Variants in PTPRD observed in about 807,000 individuals in gnomAD.
PTPRD encodes protein tyrosine phosphatase receptor type D, also known as receptor-type tyrosine-protein phosphatase delta.
In PTPRD, 34 loss-of-function variants were observed where a neutral mutation model predicts 214.5. The ratio of observed to expected loss-of-function variants is 0.16; its 90% CI spans 0.12 to 0.21. The LOEUF is 0.21. Ranked by LOEUF, PTPRD falls within the 10% of genes least tolerant of loss-of-function variation. The probability of loss-of-function intolerance (pLI) is 1.00; values close to 1 mark genes in which losing one functional copy is unlikely to be tolerated. For missense variants in PTPRD, 2,545 were observed against 2,398.7 expected (o/e 1.06, Z -1.27); for synonymous variants, 1,128 against 845.7 (o/e 1.33, Z -5.79).
chr9:9,074,022 T>C (rs192420800), intron 10 of PTPRD, among the ~76,000 whole-genome samples: 100 of 152,242 alleles, frequency 6.6e-4, no homozygotes, highest in African/African-American at 2.3e-3. Context: ...GTGGGTAGCA[T>C]AGTGCCTGAC....
chr9:9,982,340 T>C (rs2095568899), intron 4 of PTPRD, among the ~76,000 whole-genome samples: 1 of 152,186 alleles, frequency 6.6e-6, no homozygotes, highest in South Asian at 2.1e-4. Context: ...TAAGCTAAAA[T>C]AGCATTTTTA....
intron 4 of PTPRD, among the ~76,000 whole-genome samples, chr9:10,003,831 T>G (rs935119958): frequency 6.6e-6 from 1 of 151,808 alleles, no homozygotes; most frequent in Non-Finnish European, 1.5e-5. Flanking sequence ...AAATTTCAAA[T>G]TCTAAATTTT....
chr9:10,268,416 G>GTT (rs552808595), intron 3 of PTPRD, among the ~76,000 whole-genome samples: 65 of 151,780 alleles, frequency 4.3e-4, no homozygotes, highest in African/African-American at 1.5e-3. Flanking sequence ...TATACTAATA[G>GTT]TTTTCTTAGG....
At chr9:9,319,620 C>G (rs566453012) in intron 9 of PTPRD, among the ~76,000 whole-genome samples, 1 of 152,028 alleles carries the variant, frequency 6.6e-6, no homozygotes, top group Non-Finnish European at 1.5e-5. Flanking sequence ...CATACTTTAC[C>G]AAGTGTATAG....
At chr9:8,580,353 A>T (rs906010504) in intron 14 of PTPRD, among the ~76,000 whole-genome samples, 1 of 152,212 alleles carries the variant, frequency 6.6e-6, no homozygotes, top group Non-Finnish European at 1.5e-5. Flanking sequence ...CAGCCTAATC[A>T]CCTGAAGTAA....
chr9:9,902,420 T>A (rs2076623760), intron 5 of PTPRD, among the ~76,000 whole-genome samples: 1 of 152,158 alleles, frequency 6.6e-6, no homozygotes, highest in South Asian at 2.1e-4. Flanking sequence ...CTGCCGGTGC[T>A]CTACTTTTGA....
chr9:8,672,147 T>C (rs543893059), intron 12 of PTPRD, among the ~76,000 whole-genome samples: 2 of 152,324 alleles, frequency 1.3e-5, no homozygotes, highest in Admixed American at 1.3e-4. Context: ...TTGAAGTCAA[T>C]CTAACACTAA....
chr9:10,331,607 T>A (rs2096752134), intron 3 of PTPRD, among the ~76,000 whole-genome samples: 1 of 151,852 alleles, frequency 6.6e-6, no homozygotes, highest in African/African-American at 2.4e-5. Flanking sequence ...TTATACACTA[T>A]GCTTCTAGAA....
intron 12 of PTPRD, among the ~76,000 whole-genome samples, chr9:8,683,338 T>C (rs1306808594): frequency 6.6e-6 from 1 of 151,544 alleles, no homozygotes; most frequent in East Asian, 1.9e-4. Flanking sequence ...AAAATGTTAA[T>C]TCATAACTTG....
intron 3 of PTPRD, among the ~76,000 whole-genome samples, chr9:10,096,952 A>G (rs145666638): frequency 0.037 from 5,611 of 152,060 alleles, 185 homozygotes; most frequent in Admixed American, 0.092. Context: ...AGCTTTCTAC[A>G]TATGGCTAGC....
intron 3 of PTPRD, among the ~76,000 whole-genome samples, chr9:10,084,664 A>G (rs1192361126): frequency 7.2e-6 from 1 of 139,464 alleles, no homozygotes; most frequent in Non-Finnish European, 1.5e-5. Flanking sequence ...AGTTTAAATA[A>G]TATTTTTTTT....
chr9:8,451,741 T>G (rs1369155773), intron 33 of PTPRD: 2 of 313,294 alleles, frequency 6.4e-6, no homozygotes, highest in Non-Finnish European at 1.3e-5. Context: ...TCATTTTGCA[T>G]AAGTTGGCAA....
intron 3 of PTPRD, among the ~76,000 whole-genome samples, chr9:10,258,448 G>GCA (rs2093448882): frequency 6.6e-6 from 1 of 152,252 alleles, no homozygotes; most frequent in South Asian, 2.1e-4. Context: ...TAATATCTCG[G>GCA]AGTGCTGACT....
chr9:9,747,539 GT>G (rs35627464), intron 6 of PTPRD, among the ~76,000 whole-genome samples: 12,616 of 132,444 alleles, frequency 0.095, 572 homozygotes, highest in Non-Finnish European at 0.14. Context: ...AATCTTTTTT[GT>G]TTTTTTTTTT....
Position 10,363,996 on chromosome 9 carries a change from T to TTTTGTTGC in PTPRD, c.-599-22980_-599-22979insGCAACAAA, listed in dbSNP as rs1555222211. Among the ~76,000 whole-genome samples the TTTTGTTGC allele has an allele frequency of 4.1e-5, 4 of 98,632 alleles. 2 individuals carry two copies. Among genetic ancestry groups the TTTTGTTGC allele is most frequent in the Non-Finnish European group, 8.1e-5 (4 of 49,626 alleles). 64.7% of individuals were successfully genotyped at this position (98,632 alleles called of 152,430 possible). A position where few individuals can be genotyped will look rare whatever the true frequency, so the allele number is the denominator to read the frequency against. ...TATTGCCTCCACATTTTCGGGTTTTTTTTTTTTTTTTTTTTTTTTTTGAGA... is the reference window on the plus strand; with the variant it reads ...TATTGCCTCCACATTTTCGGGTTTTTTTTGTTGCTTTTTTTTTTTTTTTTTTTTTGAGA... On this transcript the variant is annotated intron_variant, in intron 2 of 45. Coordinates refer to ENST00000381196, the MANE Select transcript of PTPRD (RefSeq NM_002839.4).
chr9:9,605,860 C>T (rs1285043816), intron 7 of PTPRD, among the ~76,000 whole-genome samples: 2 of 152,016 alleles, frequency 1.3e-5, no homozygotes, highest in African/African-American at 2.4e-5. Flanking sequence ...CCAACGATAA[C>T]GGAACTTGTC....
At chr9:9,404,928 G>A (rs1233786261) in intron 8 of PTPRD, among the ~76,000 whole-genome samples, 1 of 152,078 alleles carries the variant, frequency 6.6e-6, no homozygotes, top group Non-Finnish European at 1.5e-5. Context: ...GCCACATTCT[G>A]TGCTTTCTGC....
intron 11 of PTPRD, among the ~76,000 whole-genome samples, chr9:8,926,462 C>T (rs777401902): frequency 6.6e-6 from 1 of 152,018 alleles, no homozygotes; most frequent in Non-Finnish European, 1.5e-5. Context: ...TTATGGTAAG[C>T]GTCTGTCCAC....
chr9:10,159,337 C>G (rs1417617237), intron 3 of PTPRD, among the ~76,000 whole-genome samples: 1 of 151,458 alleles, frequency 6.6e-6, no homozygotes, highest in African/African-American at 2.4e-5. Context: ...GCAAATATAT[C>G]TAAGCAAATA....
Sources: gnomAD v4.1 joint callset for allele counts (sites outside exome capture counted in the v4.1 genomes callset) on GRCh38, gnomAD v4.1.1 for gene constraint, MANE v1.5 for transcripts, NCBI Gene and HGNC (gene_info 2026-07-23, HGNC 2026-07-21) for gene names.